GRID2: variants seen among roughly 807,000 people sequenced by gnomAD.
GRID2 encodes the protein glutamate receptor ionotropic, delta-2.
In GRID2, 33 loss-of-function variants were observed where a neutral mutation model predicts 114.8. The observed-to-expected ratio is 0.29, with a 90% CI of 0.22 to 0.38. GRID2 has a LOEUF of 0.38. GRID2 is among the 10% of genes least tolerant of loss of function. GRID2 has a pLI of 1.00. For missense variants in GRID2, 1,184 were observed against 1,257.7 expected, an observed-to-expected ratio of 0.94 and a Z score of 0.89; for synonymous variants, 505 against 449.9, an observed-to-expected ratio of 1.12 and a Z score of -1.55.
chr4:92,735,232 G>C (rs546507915), intron 2 of GRID2, among the ~76,000 whole-genome samples: 6 of 152,146 alleles, frequency 3.9e-5, no homozygotes, highest in Admixed American at 3.9e-4. Context: ...CCAGAAATAT[G>C]TTCTGAGACC....
chr4:92,976,392 C>G (rs1380282262), intron 2 of GRID2, among the ~76,000 whole-genome samples: 1 of 151,992 alleles, frequency 6.6e-6, no homozygotes, highest in African/African-American at 2.4e-5. Context: ...TAGTGAGATA[C>G]AGAGACAGAT....
intron 1 of GRID2, among the ~76,000 whole-genome samples, chr4:92,517,340 T>C (rs888309544): frequency 6.6e-6 from 1 of 151,938 alleles, no homozygotes; most frequent in African/African-American, 2.4e-5. Flanking sequence ...TTTTCACTCA[T>C]GATAGAATAT....
intron 8 of GRID2, among the ~76,000 whole-genome samples, chr4:93,293,505 CCT>C (rs1753963590): frequency 6.6e-6 from 1 of 151,834 alleles, no homozygotes; most frequent in South Asian, 2.1e-4. Context: ...TGTTCTAAGA[CCT>C]CTCTTTTTTA....
At chr4:93,302,338 GAAT>G (rs1382845892) in intron 8 of GRID2, among the ~76,000 whole-genome samples, 1 of 152,188 alleles carries the variant, frequency 6.6e-6, no homozygotes, top group African/African-American at 2.4e-5. Flanking sequence ...GGTAATCAGT[GAAT>G]AAAGCTAGAA....
intron 1 of GRID2, among the ~76,000 whole-genome samples, chr4:93,788,096 C>G (rs1277647349): frequency 1.3e-5 from 2 of 152,114 alleles, no homozygotes; most frequent in African/African-American, 2.4e-5. Flanking sequence ...GCGGGTGGAT[C>G]ACCTGAGGTC....
At chr4:92,588,308 A>G (rs1233173710) in intron 1 of GRID2, among the ~76,000 whole-genome samples, 1 of 152,054 alleles carries the variant, frequency 6.6e-6, no homozygotes, top group African/African-American at 2.4e-5. Context: ...TATATATTTG[A>G]TTAATAAAAT....
chr4:92,896,417 C>T (rs569060583), intron 2 of GRID2, among the ~76,000 whole-genome samples: 1 of 152,234 alleles, frequency 6.6e-6, no homozygotes, highest in East Asian at 1.9e-4. Context: ...TTGCCTCTCA[C>T]TTTATCTCGA....
At position 92,516,717 on chromosome 4, in the gene GRID2, T is replaced by A. The variant is rs553002498; in HGVS notation, c.89-73414T>A. 2.6e-5 allele frequency among the ~76,000 whole-genome samples: 4 copies of A among 151,960 alleles called. No individual in the cohort carries two copies. The South Asian group carries it at 8.3e-4, about 31-fold the overall frequency. ...GGTGCCAGGCAAACAGGCAACGAGA[T>A]GAGTGTTGCCATGTTTCGGTTACTG... On this transcript the variant is annotated intron_variant, in intron 1 of 15. Coordinates refer to ENST00000282020, the MANE Select transcript of GRID2 (RefSeq NM_001510.4).
chr4:93,324,080 C>T (rs981449501), intron 8 of GRID2, among the ~76,000 whole-genome samples: 4 of 152,154 alleles, frequency 2.6e-5, no homozygotes, highest in Admixed American at 6.5e-5. Context: ...ACTTCCAACA[C>T]TATGTTGAAC....
chr4:93,486,409 A>G (rs1726410829), intron 11 of GRID2, among the ~76,000 whole-genome samples: 1 of 151,618 alleles, frequency 6.6e-6, no homozygotes, highest in South Asian at 2.1e-4. Context: ...AATGTTAGCA[A>G]TTTGTGTCCT....
In GRID2 at chr4:93,207,435, G is replaced by A. The variant is rs758241460; in HGVS notation, c.767G>A (p.Cys256Tyr). The A allele has an allele frequency of 7.6e-5, 121 of 1,598,698 alleles. No individual in the cohort carries two copies. The highest frequency in any genetic ancestry group is 9.9e-5 in the Non-Finnish European group (116 of 1,166,822). Reference sequence around the variant, plus strand: ...GAGACTAATTTGGTTGCTTTTGACTGTCACTGGATCATTATAAATGAGGTA... The same window carrying A: ...GAGACTAATTTGGTTGCTTTTGACTATCACTGGATCATTATAAATGAGGTA... The part of the protein sequence containing the change: ...VVETNLVAFD[C>Y]HWIIINEEIN... The change falls in exon 5 of 16, where the codon TGT becomes TAT. Residue 256 changes from cysteine to tyrosine, a missense_variant. Cys to Tyr is a radical substitution (Grantham distance 194, BLOSUM62 -2). This residue lies in a region of GRID2 where 455 missense variants were observed against 429.5 expected (regional missense o/e 1.06). Transcript: ENST00000282020.
At position 93,784,471 on chromosome 4, in the gene GRID2, A is replaced by C. The variant is rs571334129; in HGVS notation, c.221+15021A>C. Among the ~76,000 whole-genome samples, 35 of 152,270 alleles carry C rather than the reference A, an allele frequency of 2.3e-4. No individual in the cohort carries two copies. In the South Asian group the frequency reaches 6.6e-3, roughly 29 times the overall value. On this transcript the variant is annotated intron_variant, in intron 1 of 1. Coordinates refer to the GRID2 transcript ENST00000637838. ...TTGACAATTGGAAATGTGAATGTAGACTGTAAAAGCAATGCACAAAAAGGA... is the reference window on the plus strand; with the variant it reads ...TTGACAATTGGAAATGTGAATGTAGCCTGTAAAAGCAATGCACAAAAAGGA...
chr4:92,958,403 T>A (rs1369662391), intron 2 of GRID2, among the ~76,000 whole-genome samples: 1 of 152,078 alleles, frequency 6.6e-6, no homozygotes, highest in South Asian at 2.1e-4. Flanking sequence ...TGTCAGATGC[T>A]TTTTCTACAT....
At chr4:93,038,428 T>C (rs988551687) in intron 2 of GRID2, among the ~76,000 whole-genome samples, 4 of 152,124 alleles carry the variant, frequency 2.6e-5, no homozygotes, top group Non-Finnish European at 5.9e-5. Context: ...TCACTGGTCA[T>C]TAGAGAAAAG....
chr4:93,541,359 G>A (rs1282914002), intron 13 of GRID2, among the ~76,000 whole-genome samples: 1 of 152,066 alleles, frequency 6.6e-6, no homozygotes, highest in Non-Finnish European at 1.5e-5. Flanking sequence ...CTCTTTAATT[G>A]TAAGGATTCA....
intron 13 of GRID2, among the ~76,000 whole-genome samples, chr4:93,516,063 G>A (rs1255414320): frequency 6.6e-6 from 1 of 152,088 alleles, no homozygotes. Flanking sequence ...CAACCTCTAT[G>A]AGAGATCTGA....
chr4:92,612,102 A>C lies in GRID2; in HGVS notation c.244+21816A>C, dbSNP rs1461870800. On this transcript the variant is annotated intron_variant, in intron 2 of 15. Coordinates refer to ENST00000282020, the MANE Select transcript of GRID2 (RefSeq NM_001510.4). ...TTCATGTCTTCTAGAAAATGCCTAT[A>C]TTTAACTTTTATATGTAAGTCTATC... is the stretch of plus-strand genomic sequence containing the variant. Among the ~76,000 whole-genome samples the C allele has an allele frequency of 2.0e-5, 3 of 151,378 alleles. No individual in the cohort carries two copies. The East Asian group carries it at 5.8e-4, about 29-fold the overall frequency.
At chr4:92,855,816 G>C (rs1191870096) in intron 2 of GRID2, among the ~76,000 whole-genome samples, 2 of 151,856 alleles carry the variant, frequency 1.3e-5, no homozygotes, top group Non-Finnish European at 2.9e-5. Flanking sequence ...CTATCTTAGA[G>C]ATCAATGGAG....
chr4:92,863,110 AC>A (rs1229641239), intron 2 of GRID2, among the ~76,000 whole-genome samples: 14 of 152,140 alleles, frequency 9.2e-5, no homozygotes, highest in African/African-American at 3.4e-4. Flanking sequence ...GTTGTGCAGA[AC>A]TTTAGAGTTT....
Sources: gnomAD v4.1 joint callset for allele counts (sites outside exome capture counted in the v4.1 genomes callset) on GRCh38, gnomAD v4.1.1 for gene constraint, gnomAD v4.1.1 regional missense constraint, MANE v1.5 for transcripts, NCBI Gene and HGNC (gene_info 2026-07-23, HGNC 2026-07-21) for gene names.